ERG: variants seen among roughly 807,000 people sequenced by gnomAD.
ERG encodes the protein transcriptional regulator ERG.
Under a neutral mutation model 55.3 loss-of-function variants are expected in ERG, and 9 were observed. That is an observed-to-expected ratio of 0.16 (90% CI 0.10 to 0.28). The LOEUF is 0.28. Ranked by LOEUF, ERG falls within the 10% of genes least tolerant of loss-of-function variation. The probability of loss-of-function intolerance (pLI) is 1.00; values close to 1 mark genes in which losing one functional copy is unlikely to be tolerated. For synonymous variants in ERG, 223 were observed against 237.3 expected (o/e 0.94, Z 0.55); for missense variants, 434 against 631.6 (o/e 0.69, Z 3.35).
At position 38,615,373 on chromosome 21, in the gene ERG, C is replaced by G. The variant is rs548152738; in HGVS notation, c.-149-30428G>C. ...CAAAATGTCATGTGAACTGACTTGT[C>G]ATGGAGCCTAAAATTTCTTGAGTCC... On this transcript the variant is annotated intron_variant, in intron 1 of 10. Coordinates refer to the ERG transcript ENST00000398910. Among the ~76,000 whole-genome samples, 132 of 152,220 alleles carry G rather than the reference C, an allele frequency of 8.7e-4. 1 individual carries two copies. The highest frequency in any genetic ancestry group is 1.5e-3 in the Non-Finnish European group (105 of 68,014).
chr21:38,390,570 G>A (rs1024892663), intron 9 of ERG, among the ~76,000 whole-genome samples: 6 of 152,186 alleles, frequency 3.9e-5, no homozygotes, highest in African/African-American at 1.4e-4. Context: ...GAGAGATGAT[G>A]ATGAGAAGAG....
chr21:38,590,243 T>C (rs552409379), intron 1 of ERG, among the ~76,000 whole-genome samples: 9 of 152,102 alleles, frequency 5.9e-5, no homozygotes, highest in Non-Finnish European at 1.2e-4. Context: ...GGAGGCATAA[T>C]GTGGTGAGGG....
At chr21:38,451,556 A>C (rs2058941956) in intron 1 of ERG, among the ~76,000 whole-genome samples, 1 of 152,204 alleles carries the variant, frequency 6.6e-6, no homozygotes, top group African/African-American at 2.4e-5. Context: ...TGCAGACCTA[A>C]GGATATTGGA....
At chr21:38,558,405 T>C (rs1261437037) in intron 2 of ERG, among the ~76,000 whole-genome samples, 2 of 152,204 alleles carry the variant, frequency 1.3e-5, no homozygotes, top group East Asian at 3.8e-4. Flanking sequence ...AGTTTTAAGT[T>C]TCATTCTTTA....
rs71184626 is a variant in ERG at position 38,446,226 on chromosome 21, C to CA, written c.19-606dup. Among the ~76,000 whole-genome samples, 90 of 63,602 alleles carry CA rather than the reference C, an allele frequency of 1.4e-3. 4 individuals carry two copies. The highest frequency in any genetic ancestry group is 1.8e-3 in the African/African-American group (23 of 13,128). The allele number at this position is 63,602 out of a possible 152,430, so 41.7% of individuals were successfully genotyped here. ...GTGAGCATCTGGATGATAAATGAACCAAAAAAAAAAAAAAAAAAAAAAAAA... is the reference window on the plus strand; with the variant it reads ...GTGAGCATCTGGATGATAAATGAACCAAAAAAAAAAAAAAAAAAAAAAAAAA... On this transcript the variant is annotated intron_variant, in intron 1 of 9. Coordinates refer to ENST00000288319, the MANE Select transcript of ERG (RefSeq NM_182918.4).
At chr21:38,438,112 A>C (rs191547550) in intron 2 of ERG, among the ~76,000 whole-genome samples, 20 of 152,242 alleles carry the variant, frequency 1.3e-4, no homozygotes, top group Non-Finnish European at 2.2e-4. Flanking sequence ...TGCATTTAGC[A>C]TTCCCTCCTC....
At chr21:38,588,042 T>C (rs184405903), upstream of ERG, among the ~76,000 whole-genome samples, 58 of 152,284 alleles carry the variant, frequency 3.8e-4, no homozygotes, top group Middle Eastern at 0.024. Context: ...AAATTATGTG[T>C]AACACAGCTG....
At chr21:38,406,863 T>C (rs748630176) in intron 3 of ERG, among the ~76,000 whole-genome samples, 2 of 152,180 alleles carry the variant, frequency 1.3e-5, no homozygotes, top group Non-Finnish European at 2.9e-5. Flanking sequence ...GTTTCGCTCA[T>C]CAAGACAAGG....
At chr21:38,379,008 AG>A (rs893167491), downstream of ERG, among the ~76,000 whole-genome samples, 6 of 152,202 alleles carry the variant, frequency 3.9e-5, no homozygotes, top group African/African-American at 1.4e-4. Context: ...GCTCATTAAA[AG>A]CTGCTATTCT....
intron 1 of ERG, among the ~76,000 whole-genome samples, chr21:38,582,203 C>T (rs58714944): frequency 2.0e-5 from 3 of 152,082 alleles, no homozygotes; most frequent in Non-Finnish European, 2.9e-5. Context: ...CAAGTTGTTG[C>T]ACCTAAAAGG....
chr21:38,440,314 G>C (rs2058828116), intron 2 of ERG, among the ~76,000 whole-genome samples: 1 of 152,222 alleles, frequency 6.6e-6, no homozygotes, highest in Non-Finnish European at 1.5e-5. Context: ...TCCTGGCGGG[G>C]CTCCTCCAGA....
chr21:38,573,656 T>A (rs148674625), intron 2 of ERG, among the ~76,000 whole-genome samples: 1 of 152,214 alleles, frequency 6.6e-6, no homozygotes, highest in Non-Finnish European at 1.5e-5. Flanking sequence ...ATCACCCTGC[T>A]CTCCTACTAC....
chr21:38,559,977 C>G lies in ERG; in HGVS notation c.-41+15685G>C, dbSNP rs149982089. 2.0e-3 allele frequency among the ~76,000 whole-genome samples: 307 copies of G among 152,338 alleles called. 1 individual carries two copies. Among genetic ancestry groups the G allele is most frequent in the South Asian group, 0.014 (67 of 4,832 alleles). On this transcript the variant is annotated intron_variant, in intron 2 of 8. Coordinates refer to the ERG transcript ENST00000398897. Reference sequence around the variant, plus strand: ...GGATTATAGGCGTGAGACACCACACCCGGCCTCATCTTTTCTTTAACATTA... The same window carrying G: ...GGATTATAGGCGTGAGACACCACACGCGGCCTCATCTTTTCTTTAACATTA...
rs145825181 is a variant in ERG, at chr21:38,577,530, T to A, written c.-126-1783A>T. Among the ~76,000 whole-genome samples, 394 of 151,990 alleles carry A rather than the reference T, an allele frequency of 2.6e-3. 1 individual carries two copies. The highest frequency in any genetic ancestry group is 8.6e-3 in the African/African-American group (357 of 41,418). On this transcript the variant is annotated intron_variant, in intron 1 of 8. Transcript: ENST00000398897. ...AGGGAGTGAAGTGCAGTCCTGAAAT[T>A]GAACCGGGAAGCAGATGAAGGTGAC...
At chr21:38,541,776 A>C (rs1412186974) in intron 2 of ERG, among the ~76,000 whole-genome samples, 1 of 152,230 alleles carries the variant, frequency 6.6e-6, no homozygotes, top group Non-Finnish European at 1.5e-5. Context: ...TATCCTGAAA[A>C]TATCCATCAG....
chr21:38,527,965 C>G (rs1418465221), intron 2 of ERG, among the ~76,000 whole-genome samples: 1 of 152,222 alleles, frequency 6.6e-6, no homozygotes, highest in Non-Finnish European at 1.5e-5. Context: ...AATGTATTTT[C>G]TCACAGCTCT....
At position 38,391,708 on chromosome 21, in the gene ERG, T is replaced by C; in HGVS notation, c.822A>G (p.Gln274=). Residue 274 remains glutamine (Q), a synonymous_variant, in exon 8 of 10, where the codon CAA becomes CAG. Transcript: ENST00000288319. ...TTTTGGGCACTGTGGAAGGAGATGG[T>C]TGAGCAGCTGAAAATCCAGAAATAC... ...GHPTPQSKAA[Q]PSPSTVPKTE... is the part of the protein sequence containing the mutation. The C allele has an allele frequency of 6.2e-7, 1 of 1,613,844 alleles. No homozygotes were observed. The highest frequency in any genetic ancestry group is 8.5e-7 in the Non-Finnish European group (1 of 1,179,922).
chr21:38,407,303 A>G (rs1988817157), intron 3 of ERG, among the ~76,000 whole-genome samples: 1 of 152,242 alleles, frequency 6.6e-6, no homozygotes, highest in African/African-American at 2.4e-5. Flanking sequence ...TGTGATATTT[A>G]GAGACTAAAA....
intron 2 of ERG, among the ~76,000 whole-genome samples, chr21:38,554,156 G>A (rs925517098): frequency 3.3e-5 from 5 of 152,096 alleles, no homozygotes; most frequent in Admixed American, 6.6e-5. Flanking sequence ...CAGTCAGAAC[G>A]GCAATTTTAA....
Sources: gnomAD v4.1 joint callset for allele counts (sites outside exome capture counted in the v4.1 genomes callset) on GRCh38, gnomAD v4.1.1 for gene constraint, MANE v1.5 for transcripts, NCBI Gene and HGNC (gene_info 2026-07-23, HGNC 2026-07-21) for gene names.